Variants in DSCAML1 observed in about 807,000 individuals in gnomAD.
DSCAML1 encodes DS cell adhesion molecule like 1.
In DSCAML1, 38 loss-of-function variants were observed where a neutral mutation model predicts 200.5. The ratio of observed to expected loss-of-function variants is 0.19; its 90% CI spans 0.15 to 0.25. The LOEUF is 0.25. Among genes scored for constraint, DSCAML1 ranks in the 10% least tolerant of loss-of-function variants. DSCAML1 has a pLI of 1.00. For missense variants in DSCAML1, 2,223 were observed against 2,858.8 expected, an observed-to-expected ratio of 0.78 and a Z score of 5.07; for synonymous variants, 1,215 against 1,165.0, an observed-to-expected ratio of 1.04 and a Z score of -0.87.
intron 3 of DSCAML1, among the ~76,000 whole-genome samples, chr11:117,710,205 C>G (rs1465098827): frequency 6.6e-6 from 1 of 152,200 alleles, no homozygotes; most frequent in Non-Finnish European, 1.5e-5. Flanking sequence ...TGAGATGTCC[C>G]TGCTAATCAT....
chr11:117,631,514 C>T (rs1319653161), intron 3 of DSCAML1, among the ~76,000 whole-genome samples: 1 of 152,216 alleles, frequency 6.6e-6, no homozygotes, highest in African/African-American at 2.4e-5. Flanking sequence ...GCCTAGCTCT[C>T]CGGGGAGATC....
At chr11:117,649,041 A>ATATATGTGTGTGTGTGTG (rs768621807) in intron 3 of DSCAML1, among the ~76,000 whole-genome samples, 33 of 137,928 alleles carry the variant, frequency 2.4e-4, no homozygotes, top group African/African-American at 8.6e-4. Flanking sequence ...CTCCATATAT[A>ATATATGTGTGTGTGTGTG]TGTGTGTGTG....
intron 3 of DSCAML1, among the ~76,000 whole-genome samples, chr11:117,623,242 G>A (rs1413852012): frequency 8.1e-6 from 1 of 123,744 alleles, no homozygotes; most frequent in Non-Finnish European, 1.6e-5. Flanking sequence ...TTGAGACAGA[G>A]TTTTGCTCTG....
chr11:117,691,615 AC>A (rs2053495243), intron 3 of DSCAML1, among the ~76,000 whole-genome samples: 1 of 152,228 alleles, frequency 6.6e-6, no homozygotes, highest in Non-Finnish European at 1.5e-5. Flanking sequence ...CTGAAATATG[AC>A]AGTGGGAAGT....
At chr11:117,497,491 C>G (rs2049313278) in intron 11 of DSCAML1, among the ~76,000 whole-genome samples, 1 of 152,242 alleles carries the variant, frequency 6.6e-6, no homozygotes, top group Non-Finnish European at 1.5e-5. Flanking sequence ...CTCCTCACCT[C>G]TGTTTGATGA....
intron 3 of DSCAML1, among the ~76,000 whole-genome samples, chr11:117,574,232 G>A (rs1022205568): frequency 6.6e-6 from 1 of 152,202 alleles, no homozygotes; most frequent in Non-Finnish European, 1.5e-5. Context: ...CCCATTTAGA[G>A]GCAGGGGAAG....
intron 3 of DSCAML1, among the ~76,000 whole-genome samples, chr11:117,618,216 A>C (rs1221899971): frequency 6.6e-6 from 1 of 152,212 alleles, no homozygotes; most frequent in Non-Finnish European, 1.5e-5. Flanking sequence ...CAATGGTTGA[A>C]TGGCTTCTCC....
At chr11:117,719,210 G>A (rs746803265) in intron 3 of DSCAML1, among the ~76,000 whole-genome samples, 6 of 152,226 alleles carry the variant, frequency 3.9e-5, no homozygotes, top group South Asian at 4.2e-4. Flanking sequence ...TGAGACAGGC[G>A]GATCGCTGGA....
intron 1 of DSCAML1, among the ~76,000 whole-genome samples, chr11:117,781,984 T>C (rs1019602120): frequency 2.0e-5 from 3 of 152,116 alleles, no homozygotes; most frequent in African/African-American, 7.2e-5. Flanking sequence ...CTTTAAGAAA[T>C]CCATTGCCTA....
chr11:117,571,445 C>G (rs2050846583), intron 3 of DSCAML1, among the ~76,000 whole-genome samples: 1 of 152,204 alleles, frequency 6.6e-6, no homozygotes, highest in Non-Finnish European at 1.5e-5. Flanking sequence ...AGCCCACTCT[C>G]TGGACTCTGT....
intron 3 of DSCAML1, among the ~76,000 whole-genome samples, chr11:117,609,035 C>CAAACAAACAAAA (rs747841159): frequency 7.2e-5 from 8 of 110,864 alleles, no homozygotes; most frequent in African/African-American, 2.9e-4. Flanking sequence ...AACAAACAAA[C>CAAACAAACAAAA]AAAAAAAACA....
chr11:117,804,941 A>G (rs2055697075), intron 1 of DSCAML1, among the ~76,000 whole-genome samples: 1 of 149,036 alleles, frequency 6.7e-6, no homozygotes, highest in Admixed American at 6.7e-5. Flanking sequence ...GAAAAAAAAA[A>G]TCTCTCTTAA....
intron 26 of DSCAML1, among the ~76,000 whole-genome samples, chr11:117,436,186 C>T (rs2047911370): frequency 1.3e-5 from 2 of 152,144 alleles, no homozygotes; most frequent in Admixed American, 6.5e-5. Flanking sequence ...GAAGTCTGGG[C>T]AGTGGACCCT....
chr11:117,500,663 A>G lies in DSCAML1; in HGVS notation c.2359+3182T>C, dbSNP rs147623213. On this transcript the variant is annotated intron_variant, in intron 11 of 32. Transcript: ENST00000651296. ...TCTGTGCTTTTAATCACCACACTTT[A>G]TTGACCTATTTAGTGAGTGCTCAGG... Among the ~76,000 whole-genome samples the G allele has an allele frequency of 1.4e-3, 206 of 152,306 alleles. 1 individual carries two copies. Among genetic ancestry groups the G allele is most frequent in the African/African-American group, 4.6e-3 (192 of 41,568 alleles).
rs780331627 is a variant in DSCAML1, at chr11:117,542,353, C to CAACA, written c.512-9832_512-9831insTGTT. On this transcript the variant is annotated intron_variant, in intron 3 of 32. Transcript: ENST00000651296. ...ACAAAAACAACAACAACAACAACAA[C>CAACA]AAAAAAAAAACAGTGCAGGCGATGT... 5.0e-3 allele frequency among the ~76,000 whole-genome samples: 757 copies of CAACA among 150,774 alleles called. 9 individuals are homozygous for CAACA. The highest frequency in any genetic ancestry group is 0.018 in the African/African-American group (725 of 40,744).
intron 17 of DSCAML1, 66 bp downstream of exon 17, chr11:117,464,876 C>G (rs980851234): frequency 5.1e-6 from 8 of 1,578,596 alleles, no homozygotes; most frequent in Non-Finnish European, 6.0e-6. Flanking sequence ...CACAAACCCT[C>G]TCTGGCAGCC....
chr11:117,446,810 T>C (rs560445009), intron 20 of DSCAML1, among the ~76,000 whole-genome samples: 4 of 152,350 alleles, frequency 2.6e-5, no homozygotes, highest in African/African-American at 7.2e-5. Flanking sequence ...AGAATACTTA[T>C]TCTTTGTGAC....
At chr11:117,809,972 CACACACTCAT>C (rs1177476998) in intron 1 of DSCAML1, among the ~76,000 whole-genome samples, 1 of 148,970 alleles carries the variant, frequency 6.7e-6, no homozygotes, top group African/African-American at 2.5e-5. Context: ...CACACATTCA[CACACACTCAT>C]ACACACATTC....
At chr11:117,716,370 A>G (rs73598652) in intron 3 of DSCAML1, among the ~76,000 whole-genome samples, 12,330 of 152,238 alleles carry the variant, frequency 0.081, 871 homozygotes, top group African/African-American at 0.18. Flanking sequence ...GATTCCCAGG[A>G]GGTCTGCAGG....
Sources: gnomAD v4.1 joint callset for allele counts (sites outside exome capture counted in the v4.1 genomes callset) on GRCh38, gnomAD v4.1.1 for gene constraint, MANE v1.5 for transcripts, NCBI Gene and HGNC (gene_info 2026-07-23, HGNC 2026-07-21) for gene names.